The following SIAE variants were observed in gnomAD, a reference collection of about 807,000 sequenced individuals.
SIAE encodes sialate O-acetylesterase.
A neutral mutation model predicts 52.6 loss-of-function variants in SIAE; 39 were observed. The observed-to-expected ratio is 0.74, with a 90% confidence interval of 0.57 to 0.97. SIAE has a LOEUF of 0.97. Ranked by LOEUF, SIAE falls within the 50% of genes least tolerant of loss-of-function variation. The pLI, the probability that SIAE is intolerant of heterozygous loss-of-function variation, is 0.00. For synonymous variants in SIAE, 233 were observed against 241.4 expected (o/e 0.97, Z 0.32); for missense variants, 592 against 662.1 (o/e 0.89, Z 1.16).
At chr11:124,642,566 A>G (rs751357628) in intron 7 of SIAE, among the ~76,000 whole-genome samples, 16 of 152,240 alleles carry the variant, frequency 1.1e-4, no homozygotes, top group Non-Finnish European at 1.9e-4. Flanking sequence ...GGAGATGCGC[A>G]AAGAAGCTAT....
At chr11:124,669,584 A>C (rs1196185500) in intron 1 of SIAE, 63 bp from the exon 2 acceptor site, 1 of 1,427,148 alleles carries the variant, frequency 7.0e-7, no homozygotes, top group South Asian at 1.2e-5. Context: ...AACTGGATCA[A>C]GTGAAACAGC....
chr11:124,669,277 G>C, intron 2 of SIAE, 83 bp downstream of exon 2: 1 of 1,515,630 alleles, frequency 6.6e-7, no homozygotes, highest in Non-Finnish European at 9.2e-7. Flanking sequence ...GATAATGTGA[G>C]CTACAGCATT....
At chr11:124,675,226 A>C, upstream of SIAE, 1 of 1,593,400 alleles carries the variant, frequency 6.3e-7, no homozygotes, top group South Asian at 1.1e-5. Flanking sequence ...GTACTCTTTA[A>C]TGAATCTTTA....
In SIAE at chr11:124,665,911, G is replaced by A. The variant is rs182203555; in HGVS notation, c.229+3449C>T. Among the ~76,000 whole-genome samples, 27 of 152,246 alleles carry A rather than the reference G, an allele frequency of 1.8e-4. No homozygotes were observed. In the East Asian group the frequency reaches 4.4e-3, roughly 25 times the overall value. On this transcript the variant is annotated intron_variant, in intron 2 of 9. Transcript: ENST00000263593. Reference sequence around the variant, plus strand: ...TAGGCTTCTGTATTATTTTAAGGTAGAGAAAATATATCTATTTACCTCAAT... The same window carrying A: ...TAGGCTTCTGTATTATTTTAAGGTAAAGAAAATATATCTATTTACCTCAAT...
At chr11:124,646,529 T>G (rs1942938157) in intron 7 of SIAE, among the ~76,000 whole-genome samples, 1 of 135,964 alleles carries the variant, frequency 7.4e-6, no homozygotes, top group Non-Finnish European at 1.5e-5. Context: ...GGCCAGGGAG[T>G]GAGAGAGCAC....
At position 124,636,992 on chromosome 11, in the gene SIAE, TAATGAAAGC is replaced by T; in HGVS notation, c.1522_1530del (p.Ala508_Ile510del). 4 of 1,614,176 alleles carry T rather than the reference TAATGAAAGC, an allele frequency of 2.5e-6. No individual in the cohort carries two copies. The highest frequency in any genetic ancestry group is 2.5e-6 in the Non-Finnish European group (3 of 1,180,034). Reference sequence around the variant, plus strand: ...CTCTGATGTCCAGGACCCTGGTCTGTAATGAAAGCAATGAAGGGAGGGGCTGGCAGGGCA... The same window carrying T: ...CTCTGATGTCCAGGACCCTGGTCTGTAATGAAGGGAGGGGCTGGCAGGGCA... On this transcript the variant is annotated inframe_deletion, in exon 10 of 10. Transcript: ENST00000263593.
At chr11:124,662,351 G>C (rs1025462289) in intron 2 of SIAE, among the ~76,000 whole-genome samples, 1 of 152,126 alleles carries the variant, frequency 6.6e-6, no homozygotes, top group African/African-American at 2.4e-5. Context: ...GGCTTGCCAA[G>C]GTCTTTCCAG....
intron 3 of SIAE, chr11:124,659,374 T>G (rs1241757097): frequency 1.3e-5 from 2 of 152,226 alleles, no homozygotes; most frequent in Non-Finnish European, 2.9e-5. Flanking sequence ...TTGATTCTGC[T>G]TCTACTCTCT....
chr11:124,651,661 G>A (rs1264460687), intron 4 of SIAE, among the ~76,000 whole-genome samples: 3 of 152,124 alleles, frequency 2.0e-5, no homozygotes, highest in Admixed American at 6.5e-5. Context: ...AATATCAAAT[G>A]AGAGGCAGAT....
chr11:124,669,638 G>T, intron 1 of SIAE, 117 bp from the exon 2 acceptor site: 1 of 963,776 alleles, frequency 1.0e-6, no homozygotes, highest in Non-Finnish European at 1.6e-6. Flanking sequence ...AACATACTAA[G>T]TCCCTTTAAT....
At position 124,633,344 on chromosome 11, in the gene SIAE, A is replaced by G. The variant is rs1004638871; in HGVS notation, c.*3607T>C. ...TAGCATTAAGGTAGAGGTTTACTCT[A>G]TCACCTAACACCTCAACACTACCTG... On this transcript the variant is annotated 3_prime_UTR_variant, in exon 10 of 10. Transcript: ENST00000263593. 4 of 152,328 alleles carry G rather than the reference A, an allele frequency of 2.6e-5. No homozygotes were observed. Among genetic ancestry groups the G allele is most frequent in the African/African-American group, 9.6e-5 (4 of 41,576 alleles). 9.4% of individuals were successfully genotyped at this position (152,328 alleles called of 1,614,324 possible). A position where few individuals can be genotyped will look rare whatever the true frequency, so the allele number is the denominator to read the frequency against.
intron 3 of SIAE, among the ~76,000 whole-genome samples, chr11:124,657,198 T>C (rs1943114586): frequency 6.6e-6 from 1 of 152,174 alleles, no homozygotes; most frequent in African/African-American, 2.4e-5. Context: ...CTCAAGAAAA[T>C]TCCACAGGAA....
At chr11:124,641,012 G>A (rs1026960916) in intron 7 of SIAE, among the ~76,000 whole-genome samples, 1 of 152,126 alleles carries the variant, frequency 6.6e-6, no homozygotes, top group African/African-American at 2.4e-5. Flanking sequence ...ATATAAGAAA[G>A]GCTATTTTAG....
rs563188696 is a variant in SIAE at position 124,670,871 on chromosome 11, C to T, written c.68-1350G>A. On this transcript the variant is annotated intron_variant, in intron 1 of 9. Coordinates refer to ENST00000263593, the MANE Select transcript of SIAE (RefSeq NM_170601.5). This position sits in a 1 kb window ranked among gnomAD's most constrained non-coding sequence, Gnocchi z 4.5. The stretch of plus-strand genomic sequence containing the variant: ...AAAATGCTCTAAGAAAAGAATACAA[C>T]GCCCCAGAATTGCATAAGCAGGTTG... 2.0e-5 allele frequency among the ~76,000 whole-genome samples: 3 copies of T among 152,296 alleles called. No homozygotes were observed. Among genetic ancestry groups the T allele is most frequent in the East Asian group, 3.9e-4 (2 of 5,182 alleles).
intron 1 of SIAE, among the ~76,000 whole-genome samples, chr11:124,673,197 C>A (rs2134399015): frequency 6.6e-6 from 1 of 152,280 alleles, no homozygotes; most frequent in African/African-American, 2.4e-5. Flanking sequence ...CCCTAAGGAA[C>A]CCCGCCTGAA....
At chr11:124,663,770 A>C (rs1009732882) in intron 2 of SIAE, among the ~76,000 whole-genome samples, 4 of 152,148 alleles carry the variant, frequency 2.6e-5, no homozygotes, top group African/African-American at 9.7e-5. Context: ...GGAGCTCACC[A>C]CAGGCCAGTT....
intron 7 of SIAE, among the ~76,000 whole-genome samples, chr11:124,644,782 G>A (rs140462646): frequency 6.6e-6 from 1 of 152,294 alleles, no homozygotes; most frequent in African/African-American, 2.4e-5. Context: ...TCAGGCTCCA[G>A]GTGGCCTTTC....
At chr11:124,644,351 G>GGAAAAA (rs1555096422) in intron 7 of SIAE, among the ~76,000 whole-genome samples, 2 of 98,994 alleles carry the variant, frequency 2.0e-5, no homozygotes, top group African/African-American at 8.0e-5. Flanking sequence ...AGTCTGTGGT[G>GGAAAAA]AGAAAAAAAA....
At chr11:124,656,438 G>C (rs887668287) in intron 3 of SIAE, among the ~76,000 whole-genome samples, 1 of 152,084 alleles carries the variant, frequency 6.6e-6, no homozygotes, top group Admixed American at 6.6e-5. Context: ...ACAGTCCCAA[G>C]GAATTAAAGA....
Sources: allele counts gnomAD v4.1 joint callset (sites outside exome capture counted in the v4.1 genomes callset), GRCh38; gene constraint gnomAD v4.1.1; non-coding constraint Gnocchi (gnomAD v3.1); transcripts MANE v1.5; gene names NCBI Gene and HGNC (gene_info 2026-07-23, HGNC 2026-07-21).